The following BCAN variants were observed in gnomAD, a reference collection of about 807,000 sequenced individuals.
BCAN encodes the protein brevican.
Under a neutral mutation model 92.4 loss-of-function variants are expected in BCAN, and 51 were observed. The ratio of observed to expected loss-of-function variants is 0.55; its 90% CI spans 0.44 to 0.70. The LOEUF is 0.70. BCAN is among the 30% of genes least tolerant of loss of function. The pLI, the probability that BCAN is intolerant of heterozygous loss-of-function variation, is 0.00. For missense variants in BCAN, 1,140 were observed against 1,212.1 expected (o/e 0.94, Z 0.88); for synonymous variants, 501 against 505.2 (o/e 0.99, Z 0.11).
Position 156,652,485 on chromosome 1 carries a change from G to A in BCAN, c.1535G>A (p.Arg512Lys), listed in dbSNP as rs1239573545. The change falls in exon 8 of 14, where the codon AGG (arginine) becomes AAG (lysine). Residue 512 changes from arginine (R) to lysine (K), a missense_variant. Physicochemically the swap from Arg to Lys is conservative, Grantham distance 26. Coordinates refer to ENST00000329117, the MANE Select transcript of BCAN (RefSeq NM_021948.5). ...QEESLSQAPA[R>K]AVLQPGASPL... is the part of the protein sequence containing the mutation. Reference sequence around the variant, plus strand: ...GAGTCACTCTCCCAGGCGCCAGCAAGGGCAGTCCTGCAGCCTGGTGCATCA... The same window carrying A: ...GAGTCACTCTCCCAGGCGCCAGCAAAGGCAGTCCTGCAGCCTGGTGCATCA... 1.9e-6 allele frequency: 3 copies of A among 1,607,312 alleles called. No homozygotes were observed. Among genetic ancestry groups the A allele is most frequent in the Non-Finnish European group, 2.5e-6 (3 of 1,176,610 alleles).
chr1:156,656,884 G>T (rs1679349751), intron 9 of BCAN, 54 bp from the exon 10 acceptor site: 16 of 1,592,208 alleles, frequency 1.0e-5, no homozygotes, highest in Non-Finnish European at 1.4e-5. Flanking sequence ...CCTTCCAGGG[G>T]ACCTGGCCCT....
intron 1 of BCAN, chr1:156,643,112 G>A (rs1215267634): frequency 2.6e-5 from 4 of 152,248 alleles, no homozygotes; most frequent in Admixed American, 2.6e-4. Context: ...AGTCCAAGGG[G>A]CACCATTATT....
intron 8 of BCAN, among the ~76,000 whole-genome samples, chr1:156,654,702 G>A (rs1217783345): frequency 6.6e-6 from 1 of 152,200 alleles, no homozygotes; most frequent in Non-Finnish European, 1.5e-5. Flanking sequence ...GAATGGGAAG[G>A]AGCAGAAAGG....
intron 6 of BCAN, among the ~76,000 whole-genome samples, chr1:156,650,962 G>A (rs1360679122): frequency 6.6e-6 from 1 of 152,040 alleles, no homozygotes; most frequent in Admixed American, 6.6e-5. Flanking sequence ...AGAATTTGGG[G>A]ATACCTGGGA....
Position 156,646,810 on chromosome 1 carries a change from C to T in BCAN, c.101C>T (p.Ala34Val). The T allele has an allele frequency of 3.2e-6, 5 of 1,564,872 alleles. No individual in the cohort carries two copies. Among genetic ancestry groups the T allele is most frequent in the Admixed American group, 1.9e-5 (1 of 53,914 alleles). The change falls in exon 3 of 14, where the codon GCT becomes GTT. Residue 34 changes from alanine (A) to valine (V), a missense_variant. Transcript: ENST00000329117. ...CTCCACCCGTTCACAGAGGACCGCG[C>T]TTTTCGCGTGCGCATCGCGGGCGAC... ...VLEGDSSEDR[A>V]FRVRIAGDAP...
Position 156,646,703 on chromosome 1 carries a change from G to A in BCAN, c.92-98G>A, listed in dbSNP as rs937441391. 3.4e-6 allele frequency: 5 copies of A among 1,481,428 alleles called. No homozygotes were observed. In the African/African-American group the frequency reaches 7.2e-5, roughly 21 times the overall value. 91.8% of individuals were successfully genotyped at this position (1,481,428 alleles called of 1,614,324 possible). ...TCCTAGGGGGGCCGGGGAATCCTGG[G>A]GCCGGAAGGAGGGATCCTGGAGCGG... On this transcript the variant is annotated intron_variant, in intron 2 of 13. Transcript: ENST00000329117.
At chr1:156,654,201 A>G (rs1374792648) in intron 8 of BCAN, among the ~76,000 whole-genome samples, 2 of 152,228 alleles carry the variant, frequency 1.3e-5, no homozygotes, top group African/African-American at 4.8e-5. Flanking sequence ...GTCTGAGAGA[A>G]GCCCTCTCTA....
Position 156,658,968 on chromosome 1 carries a change from G to T in BCAN, c.2629-59G>T. ...GGCTGAGCAAGAACATCAGAGGGCAGGCTCTGAGGAGAGGAGAAGGAAGAG... is the reference window on the plus strand; with the variant it reads ...GGCTGAGCAAGAACATCAGAGGGCATGCTCTGAGGAGAGGAGAAGGAAGAG... On this transcript the variant is annotated intron_variant, in intron 13 of 13. Transcript: ENST00000329117. This position sits in a 1 kb window ranked among gnomAD's most constrained non-coding sequence, Gnocchi z 4.4. 6.9e-7 allele frequency: 1 copy of T among 1,454,088 alleles called. No homozygotes were observed. Among genetic ancestry groups the T allele is most frequent in the South Asian group, 1.2e-5 (1 of 82,694 alleles). 90.1% of individuals were successfully genotyped at this position (1,454,088 alleles called of 1,614,324 possible).
At position 156,645,475 on chromosome 1, in the gene BCAN, C is replaced by T. The variant is rs559912831; in HGVS notation, c.-8-572C>T. 9.9e-5 allele frequency among the ~76,000 whole-genome samples: 15 copies of T among 152,172 alleles called. No individual in the cohort carries two copies. In the East Asian group the frequency reaches 2.7e-3, roughly 27 times the overall value. On this transcript the variant is annotated intron_variant, in intron 1 of 13. Transcript: ENST00000329117. The stretch of plus-strand genomic sequence containing the variant: ...GCTCAGGAGAAGCTGTGCTTACTTG[C>T]GTTCGGTCTAGGAGGCCCTCCTGGA...
rs1679433399 is a variant in BCAN at position 156,658,959 on chromosome 1, C to CA, written c.2629-67dup. On this transcript the variant is annotated intron_variant, in intron 13 of 13. Coordinates refer to ENST00000329117, the MANE Select transcript of BCAN (RefSeq NM_021948.5). The surrounding 1 kb of genome is among the most constrained non-coding windows in gnomAD (Gnocchi z 4.4). ...GCTCTTACGGGCTGAGCAAGAACAT[C>CA]AGAGGGCAGGCTCTGAGGAGAGGAG... 1.4e-6 allele frequency: 2 copies of CA among 1,444,554 alleles called. No individual in the cohort carries two copies. Among genetic ancestry groups the CA allele is most frequent in the Admixed American group, 4.1e-5 (2 of 48,806 alleles). 89.5% of individuals were successfully genotyped at this position (1,444,554 alleles called of 1,614,324 possible). A position where few individuals can be genotyped will look rare whatever the true frequency, so the allele number is the denominator to read the frequency against.
At chr1:156,645,966 C>G (rs1034530189) in intron 1 of BCAN, 81 bp from the exon 2 acceptor site, 7 of 1,228,012 alleles carry the variant, frequency 5.7e-6, no homozygotes, top group Non-Finnish European at 8.0e-6. Flanking sequence ...ATGTGTGAAC[C>G]CACATGGGTG....
rs530793924 is a variant in BCAN at position 156,654,829 on chromosome 1, T to C, written c.1943-1453T>C. On this transcript the variant is annotated intron_variant, in intron 8 of 13. Transcript: ENST00000329117. Reference sequence around the variant, plus strand: ...TACCTCTTCCTCTGGGGTTGGGAGGTGGGCAGCACCACAAGCTGGGAAGAA... The same window carrying C: ...TACCTCTTCCTCTGGGGTTGGGAGGCGGGCAGCACCACAAGCTGGGAAGAA... 5.9e-5 allele frequency among the ~76,000 whole-genome samples: 9 copies of C among 152,078 alleles called. No homozygotes were observed. In the South Asian group the frequency reaches 1.5e-3, roughly 25 times the overall value.
chr1:156,651,382 C>T, intron 6 of BCAN, 74 bp from the exon 7 acceptor site: 1 of 1,325,874 alleles, frequency 7.5e-7, no homozygotes, highest in East Asian at 2.3e-5. Context: ...GAGAGAATTC[C>T]ATGGTGCAAG....
chr1:156,654,128 C>A (rs1215099293), intron 8 of BCAN, among the ~76,000 whole-genome samples: 1 of 152,198 alleles, frequency 6.6e-6, no homozygotes, highest in African/African-American at 2.4e-5. Flanking sequence ...GTACCTAATG[C>A]TGGAGAAGAC....
intron 1 of BCAN, chr1:156,643,317 T>C (rs1012315122): frequency 2.0e-5 from 3 of 152,252 alleles, no homozygotes; most frequent in Non-Finnish European, 4.4e-5. Context: ...ATAGTATTAT[T>C]AGTTTTGCTT....
intron 10 of BCAN, 128 bp from the exon 11 acceptor site, chr1:156,657,547 A>G: frequency 1.4e-6 from 1 of 693,284 alleles, no homozygotes; most frequent in Non-Finnish European, 2.4e-6. Context: ...GGGGTAGAAG[A>G]ACCCGACAAG....
Position 156,656,460 on chromosome 1 carries a change from G to C in BCAN, c.2050+71G>C, listed in dbSNP as rs535503873. ...CACAACGTGCTACTTCTGGAGGGGG[G>C]AGGGAGAACATTGGTTTTGGCCTTG... is the stretch of plus-strand genomic sequence containing the variant. On this transcript the variant is annotated intron_variant, in intron 9 of 13. Coordinates refer to ENST00000329117, the MANE Select transcript of BCAN (RefSeq NM_021948.5). 11 of 1,193,372 alleles carry C rather than the reference G, an allele frequency of 9.2e-6. No individual in the cohort carries two copies. The Admixed American group carries it at 3.3e-4, about 36-fold the overall frequency. 73.9% of individuals were successfully genotyped at this position (1,193,372 alleles called of 1,614,324 possible). A position where few individuals can be genotyped will look rare whatever the true frequency, so the allele number is the denominator to read the frequency against.
At chr1:156,649,951 C>A in intron 6 of BCAN, 1 of 518,842 alleles carries the variant, frequency 1.9e-6, no homozygotes, top group South Asian at 1.4e-5. Context: ...GCCATGGGAA[C>A]CCCCAGCAAA....
rs1678803213 is a variant in BCAN, at chr1:156,642,205, G to C, written c.-79G>C. 1 of 152,284 alleles carries C rather than the reference G, an allele frequency of 6.6e-6. No homozygotes were observed. Among genetic ancestry groups the C allele is most frequent in the Admixed American group, 6.5e-5 (1 of 15,280 alleles). 9.4% of individuals were successfully genotyped at this position (152,284 alleles called of 1,614,324 possible). A position where few individuals can be genotyped will look rare whatever the true frequency, so the allele number is the denominator to read the frequency against. On this transcript the variant is annotated 5_prime_UTR_variant, in exon 1 of 14. Coordinates refer to ENST00000329117, the MANE Select transcript of BCAN (RefSeq NM_021948.5). The surrounding 1 kb of genome is among the most constrained non-coding windows in gnomAD (Gnocchi z 4.2). Reference sequence around the variant, plus strand: ...AGCTGCAGCTGCAGGACTGAGCCGTGCACCCGGAGGAGACCCCCGGAGGAG... The same window carrying C: ...AGCTGCAGCTGCAGGACTGAGCCGTCCACCCGGAGGAGACCCCCGGAGGAG...
Sources: gnomAD v4.1 joint callset for allele counts (sites outside exome capture counted in the v4.1 genomes callset) on GRCh38, gnomAD v4.1.1 for gene constraint, Gnocchi (gnomAD v3.1) non-coding constraint, MANE v1.5 for transcripts, NCBI Gene and HGNC (gene_info 2026-07-23, HGNC 2026-07-21) for gene names.